Variants in CAPN2 observed in about 807,000 individuals in gnomAD.
The protein encoded by CAPN2 is calpain-2 catalytic subunit.
A neutral mutation model predicts 102.3 loss-of-function variants in CAPN2; 92 were observed. That is an observed-to-expected ratio of 0.90 (90% CI 0.76 to 1.07). The LOEUF is 1.07. Ranked by LOEUF, CAPN2 falls within the 50% of genes least tolerant of loss-of-function variation. The pLI is 0.00. For missense variants in CAPN2, 800 were observed against 909.4 expected (o/e 0.88, Z 1.55); for synonymous variants, 340 against 355.4 (o/e 0.96, Z 0.49).
chr1:223,774,797 G>A, intron 20 of CAPN2, 37 bp from the exon 21 acceptor site: 1 of 1,602,168 alleles, frequency 6.2e-7, no homozygotes, highest in Admixed American at 1.7e-5. Flanking sequence ...TTTTAAAAGT[G>A]GTCACTGAGC....
chr1:223,761,792 G>A lies in CAPN2; in HGVS notation c.1566+175G>A, dbSNP rs1016878671. 13 of 589,166 alleles carry A rather than the reference G, an allele frequency of 2.2e-5. No homozygotes were observed. In the African/African-American group the frequency reaches 2.2e-4, roughly 10 times the overall value. The allele number at this position is 589,166 out of a possible 1,614,324, so 36.5% of individuals were successfully genotyped here. ...TGCATCAGCTCTGGCCTCTGTGCTG[G>A]GGGCATGGGCCAGTCCCTTGCCTAT... On this transcript the variant is annotated intron_variant, in intron 13 of 20. Coordinates refer to ENST00000295006, the MANE Select transcript of CAPN2 (RefSeq NM_001748.5).
upstream of CAPN2, among the ~76,000 whole-genome samples, chr1:223,709,652 A>C (rs990106454): frequency 4.8e-5 from 7 of 144,834 alleles, no homozygotes; most frequent in South Asian, 2.2e-4. Flanking sequence ...CAAGAGTGAA[A>C]CTCCATCTCA....
At chr1:223,748,529 A>G (rs931284801) in intron 5 of CAPN2, among the ~76,000 whole-genome samples, 18 of 152,226 alleles carry the variant, frequency 1.2e-4, no homozygotes, top group African/African-American at 4.3e-4. Context: ...CAACCGTCCT[A>G]GTATAAACCC....
In CAPN2 at chr1:223,755,227, C is replaced by CCTCCCACCGCCTCTTGCCAA; in HGVS notation, c.1136-244_1136-225dup. Among the ~76,000 whole-genome samples, 1 of 151,698 alleles carries CCTCCCACCGCCTCTTGCCAA rather than the reference C, an allele frequency of 6.6e-6. No homozygotes were observed. The highest frequency in any genetic ancestry group is 2.0e-4 in the East Asian group (1 of 5,126). On this transcript the variant is annotated intron_variant, in intron 9 of 20. Transcript: ENST00000295006. The surrounding 1 kb of genome is among the most constrained non-coding windows in gnomAD (Gnocchi z 4.1). ...CACCATCTCCCACTGTCTCCCACAGCCTCCCACCGCCTCTTGCCAACTCCC... is the reference window on the plus strand; with the variant it reads ...CACCATCTCCCACTGTCTCCCACAGCCTCCCACCGCCTCTTGCCAACTCCCACCGCCTCTTGCCAACTCCC...
In CAPN2 at chr1:223,745,331, AG is replaced by A; in HGVS notation, c.454del (p.Val152TrpfsTer66). 1 of 1,614,092 alleles carries A rather than the reference AG, an allele frequency of 6.2e-7. No homozygotes were observed. Among genetic ancestry groups the A allele is most frequent in the Non-Finnish European group, 8.5e-7 (1 of 1,179,980 alleles). On this transcript the variant is annotated frameshift_variant, in exon 4 of 21. Transcript: ENST00000295006. LOFTEE classifies it high-confidence loss of function. The part of the protein sequence containing the change: ...FQFWQYGEWV[E>X]VVVDDRLPTK... ...TTCTGGCAATACGGCGAGTGGGTGG[AG>A]GTGGTGGTGGATGACAGGCTGCCCA...
upstream of CAPN2, among the ~76,000 whole-genome samples, chr1:223,708,848 G>GA (rs1389309374): frequency 2.1e-5 from 3 of 145,176 alleles, no homozygotes; most frequent in Admixed American, 6.9e-5. Context: ...GAGAAAGAAA[G>GA]AAAAAATAGA....
intron 2 of CAPN2, among the ~76,000 whole-genome samples, chr1:223,738,874 A>T (rs1323007831): frequency 6.6e-6 from 1 of 152,264 alleles, no homozygotes; most frequent in African/African-American, 2.4e-5. Context: ...ACACAGCCAC[A>T]TGGAGCCGAG....
chr1:223,746,237 C>T (rs1333704411), intron 4 of CAPN2, among the ~76,000 whole-genome samples: 2 of 152,184 alleles, frequency 1.3e-5, no homozygotes, highest in East Asian at 3.8e-4. Context: ...ATACTGGGGT[C>T]AGGGAAGCCA....
chr1:223,709,342 T>G (rs370946686), upstream of CAPN2, among the ~76,000 whole-genome samples: 13 of 152,290 alleles, frequency 8.5e-5, no homozygotes, highest in East Asian at 1.9e-3. Context: ...GGCTCTCATA[T>G]TAGTATAAAA....
intron 6 of CAPN2, 147 bp downstream of exon 6, chr1:223,749,269 G>A: frequency 1.5e-6 from 1 of 669,790 alleles, no homozygotes; most frequent in Non-Finnish European, 2.6e-6. Flanking sequence ...CCGCGCGGGA[G>A]GAGAAGGGCG....
chr1:223,726,756 C>T lies in CAPN2; in HGVS notation c.307+8925C>T, dbSNP rs1222755719. On this transcript the variant is annotated intron_variant, in intron 2 of 20. Transcript: ENST00000295006. The surrounding 1 kb of genome is among the most constrained non-coding windows in gnomAD (Gnocchi z 4.4). ...GCATGAGTAAAATGGAGGATCTGCC[C>T]CCTCCCCTCCCAGCCCCTGATACAA... Among the ~76,000 whole-genome samples, 1 of 152,088 alleles carries T rather than the reference C, an allele frequency of 6.6e-6. No individual in the cohort carries two copies. The highest frequency in any genetic ancestry group is 2.1e-4 in the South Asian group (1 of 4,816).
intron 2 of CAPN2, among the ~76,000 whole-genome samples, chr1:223,737,718 G>GC (rs1558066520): frequency 2.6e-5 from 2 of 77,370 alleles, no homozygotes; most frequent in African/African-American, 4.6e-5. Flanking sequence ...GGGGGGTGGG[G>GC]GGGAGAGAAT....
intron 2 of CAPN2, among the ~76,000 whole-genome samples, chr1:223,719,547 A>AG (rs1659993010): frequency 1.3e-5 from 2 of 152,176 alleles, no homozygotes; most frequent in African/African-American, 4.8e-5. Flanking sequence ...TCAAAAAAAA[A>AG]GAGAGAGAAT....
chr1:223,714,150 TTC>T (rs934059242), intron 1 of CAPN2, among the ~76,000 whole-genome samples: 3 of 152,218 alleles, frequency 2.0e-5, no homozygotes, highest in Non-Finnish European at 2.9e-5. Context: ...CACCTTGTTT[TTC>T]TCTGTCACCC....
At position 223,775,656 on chromosome 1, in the gene CAPN2, C is replaced by T. The variant is rs1661601113; in HGVS notation, c.*799C>T. Reference sequence around the variant, plus strand: ...CACCTCAAAACTTTATGAACTTCACCACCACTAGTGTCTGTCCATGGAGTT... The same window carrying T: ...CACCTCAAAACTTTATGAACTTCACTACCACTAGTGTCTGTCCATGGAGTT... On this transcript the variant is annotated 3_prime_UTR_variant, in exon 21 of 21. Transcript: ENST00000295006. The T allele has an allele frequency of 6.6e-6, 1 of 152,586 alleles. No homozygotes were observed. The highest frequency in any genetic ancestry group is 6.5e-5 in the Admixed American group (1 of 15,272). The allele number at this position is 152,586 out of a possible 1,614,324, so 9.5% of individuals were successfully genotyped here. A position where few individuals can be genotyped will look rare whatever the true frequency, so the allele number is the denominator to read the frequency against.
Position 223,712,727 on chromosome 1 carries a change from C to T in CAPN2, c.87C>T (p.Asn29=), listed in dbSNP as rs1323073569. 6.3e-7 allele frequency: 1 copy of T among 1,587,220 alleles called. No homozygotes were observed. The highest frequency in any genetic ancestry group is 1.2e-5 in the South Asian group (1 of 86,946). The change falls in exon 1 of 21, where the codon AAC becomes AAT. Residue 29 remains asparagine, a synonymous_variant. Transcript: ENST00000295006. ...ACGACAGGGCCATCAAGTACCTCAACCAGGACTACGAGGCGCTGCGGAACG... is the reference window on the plus strand; with the variant it reads ...ACGACAGGGCCATCAAGTACCTCAATCAGGACTACGAGGCGCTGCGGAACG... ...GSHDRAIKYL[N]QDYEALRNEC... is the part of the protein sequence containing the mutation.
Position 223,727,460 on chromosome 1 carries a change from T to C in CAPN2, c.307+9629T>C, listed in dbSNP as rs1892075. Among the ~76,000 whole-genome samples the C allele has an allele frequency of 0.99, 150,187 of 152,182 alleles. 74,141 individuals carry two copies. The highest frequency in any genetic ancestry group is 1 in the South Asian group (4,813 of 4,814). ...CTGGGGGCTTGGCGGAGTTGGGGGGTGCATGGAATGCCCCCAGTTGAGAAC... is the reference window on the plus strand; with the variant it reads ...CTGGGGGCTTGGCGGAGTTGGGGGGCGCATGGAATGCCCCCAGTTGAGAAC... On this transcript the variant is annotated intron_variant, in intron 2 of 20. Coordinates refer to ENST00000295006, the MANE Select transcript of CAPN2 (RefSeq NM_001748.5). This position sits in a 1 kb window ranked among gnomAD's most constrained non-coding sequence, Gnocchi z 4.1.
At chr1:223,707,468 G>A (rs1659636183) in intron 1 of CAPN2, among the ~76,000 whole-genome samples, 1 of 152,244 alleles carries the variant, frequency 6.6e-6, no homozygotes, top group Non-Finnish European at 1.5e-5. Context: ...TGTGGTCAGA[G>A]AAAGAGAAGA....
chr1:223,717,673 G>A, intron 1 of CAPN2, 89 bp from the exon 2 acceptor site: 1 of 998,978 alleles, frequency 1.0e-6, no homozygotes, highest in Non-Finnish European at 1.6e-6. Flanking sequence ...GGGAGAAGGG[G>A]TTAGAAGACC....
Sources: allele counts gnomAD v4.1 joint callset (sites outside exome capture counted in the v4.1 genomes callset), GRCh38; gene constraint gnomAD v4.1.1; non-coding constraint Gnocchi (gnomAD v3.1); transcripts MANE v1.5; gene names NCBI Gene and HGNC (gene_info 2026-07-23, HGNC 2026-07-21).